The following TENM2 variants were observed in gnomAD, a reference collection of about 807,000 sequenced individuals.
TENM2 encodes teneurin transmembrane protein 2, also known as teneurin-2.
Under a neutral mutation model 245.2 loss-of-function variants are expected in TENM2, and 52 were observed. The ratio of observed to expected loss-of-function variants is 0.21; its 90% CI spans 0.17 to 0.27. TENM2 has a LOEUF of 0.27. Among genes scored for constraint, TENM2 ranks in the 10% least tolerant of loss-of-function variants. The pLI, the probability that TENM2 is intolerant of heterozygous loss-of-function variation, is 1.00. For synonymous variants in TENM2, 1,363 were observed against 1,438.9 expected (o/e 0.95, Z 1.19); for missense variants, 3,046 against 3,666.8 (o/e 0.83, Z 4.37).
chr5:167,770,540 C>T (rs1582964001), intron 2 of TENM2, among the ~76,000 whole-genome samples: 1 of 152,194 alleles, frequency 6.6e-6, no homozygotes, highest in Non-Finnish European at 1.5e-5. Flanking sequence ...GGTAAACTAA[C>T]TTCATTCCTT....
chr5:168,150,425 A>G (rs371220392), intron 12 of TENM2, among the ~76,000 whole-genome samples: 7 of 152,320 alleles, frequency 4.6e-5, no homozygotes, highest in East Asian at 1.9e-4. Flanking sequence ...CTTGACAGGG[A>G]GACCACCCCA....
At chr5:167,459,946 ACAC>A (rs1264934831) in intron 2 of TENM2, among the ~76,000 whole-genome samples, 6 of 152,014 alleles carry the variant, frequency 3.9e-5, no homozygotes, top group Non-Finnish European at 5.9e-5. Flanking sequence ...GCACACACAC[ACAC>A]AACACACACT....
chr5:167,698,370 G>T (rs1757908515), intron 2 of TENM2, among the ~76,000 whole-genome samples: 1 of 152,130 alleles, frequency 6.6e-6, no homozygotes, highest in Non-Finnish European at 1.5e-5. Flanking sequence ...TGAGTGACTT[G>T]ACATTCCCTG....
the TENM2 span, among the ~76,000 whole-genome samples, chr5:167,034,493 G>A: frequency 5.3e-5 from 8 of 151,966 alleles, no homozygotes; most frequent in East Asian, 1.9e-4. Flanking sequence ...AGCCGGGCGT[G>A]GTGGCGGGCG....
chr5:167,193,844 A>G, the TENM2 span, among the ~76,000 whole-genome samples: 7 of 152,186 alleles, frequency 4.6e-5, no homozygotes, highest in African/African-American at 1.2e-4. Flanking sequence ...TAATAGGTCA[A>G]TTTGAGCTTA....
At chr5:167,774,200 G>A (rs1021991828) in intron 2 of TENM2, among the ~76,000 whole-genome samples, 4 of 121,942 alleles carry the variant, frequency 3.3e-5, no homozygotes, top group Non-Finnish European at 7.0e-5. Flanking sequence ...GAGGGAAGGA[G>A]GAAGGGAGGG....
intron 2 of TENM2, among the ~76,000 whole-genome samples, chr5:167,662,979 T>C (rs1421657761): frequency 6.6e-6 from 1 of 152,226 alleles, no homozygotes; most frequent in Non-Finnish European, 1.5e-5. Flanking sequence ...TTGTCTCTGA[T>C]TCTCTCATAT....
chr5:167,070,284 A>ATTTTT, the TENM2 span, among the ~76,000 whole-genome samples: 1,050 of 99,296 alleles, frequency 0.011, 54 homozygotes, highest in African/African-American at 0.034. Flanking sequence ...CGCCCGGCTA[A>ATTTTT]TTTTTTTTTT....
chr5:168,245,615 C>A (rs1194933392), intron 26 of TENM2, among the ~76,000 whole-genome samples: 1 of 150,476 alleles, frequency 6.6e-6, no homozygotes, highest in Non-Finnish European at 1.5e-5. Context: ...CGTATCAAGA[C>A]TTTTGAAGGC....
At chr5:167,397,901 A>C (rs1269044337) in intron 2 of TENM2, among the ~76,000 whole-genome samples, 2 of 152,238 alleles carry the variant, frequency 1.3e-5, no homozygotes, top group Non-Finnish European at 1.5e-5. Flanking sequence ...TTATATTACT[A>C]TCTCTCCTAG....
At chr5:168,112,821 A>G (rs1794786858) in intron 9 of TENM2, among the ~76,000 whole-genome samples, 1 of 152,102 alleles carries the variant, frequency 6.6e-6, no homozygotes, top group African/African-American at 2.4e-5. Flanking sequence ...TTACATCCTC[A>G]ATTGCTTCAG....
At chr5:167,217,088 C>T in the TENM2 span, among the ~76,000 whole-genome samples, 2 of 151,956 alleles carry the variant, frequency 1.3e-5, no homozygotes, top group African/African-American at 4.8e-5. Context: ...TAGATTTGTC[C>T]TATTTTAGGT....
rs934838511 is a variant in TENM2 at position 167,716,946 on chromosome 5, A to G, written c.503-159040A>G. ...ATTTTATTTTATTTTATTTTATTCT[A>G]TTCTATTCTATTTTATTTTATTTTA... On this transcript the variant is annotated intron_variant, in intron 2 of 28. Transcript: ENST00000518659. Among the ~76,000 whole-genome samples the G allele has an allele frequency of 1.6e-3, 193 of 120,188 alleles. 5 individuals are homozygous for G. In the Admixed American group the frequency reaches 0.018, roughly 11 times the overall value. The allele number at this position is 120,188 out of a possible 152,430, so 78.8% of individuals were successfully genotyped here.
chr5:167,084,365 A>ATATATATATATG, the TENM2 span, among the ~76,000 whole-genome samples: 10 of 122,478 alleles, frequency 8.2e-5, no homozygotes, highest in African/African-American at 3.0e-4. Context: ...ATATATATAT[A>ATATATATATATG]TACAGATCAG....
exon 22 of TENM2, chr5:168,216,903 C>T: frequency 6.2e-7 from 1 of 1,613,948 alleles, no homozygotes; most frequent in African/African-American, 1.3e-5. Context: ...AGCTGTGATT[C>T]CAGCATGGAT....
chr5:167,569,078 C>CTTTTTTTTTTTT (rs34311803), intron 2 of TENM2, among the ~76,000 whole-genome samples: 3 of 48,966 alleles, frequency 6.1e-5, no homozygotes, highest in African/African-American at 2.8e-4. Flanking sequence ...CTTCCTACAG[C>CTTTTTTTTTTTT]TTTTTTTTTT....
chr5:167,733,326 C>T (rs1760570192), intron 2 of TENM2, among the ~76,000 whole-genome samples: 1 of 152,118 alleles, frequency 6.6e-6, no homozygotes, highest in Non-Finnish European at 1.5e-5. Context: ...GCACTGAGGG[C>T]CTGAGTGTGG....
At chr5:167,399,807 C>A (rs1762264356) in intron 2 of TENM2, among the ~76,000 whole-genome samples, 1 of 152,018 alleles carries the variant, frequency 6.6e-6, no homozygotes, top group Non-Finnish European at 1.5e-5. Context: ...ACATAGTATG[C>A]CATGATTAAA....
chr5:167,040,972 TGG>T, the TENM2 span, among the ~76,000 whole-genome samples: 1 of 152,160 alleles, frequency 6.6e-6, no homozygotes, highest in Non-Finnish European at 1.5e-5. Context: ...ATCAATATGG[TGG>T]TCAGTTTTGA....
Sources: allele counts gnomAD v4.1 joint callset (sites outside exome capture counted in the v4.1 genomes callset), GRCh38; gene constraint gnomAD v4.1.1; transcripts MANE v1.5; gene names NCBI Gene and HGNC (gene_info 2026-07-23, HGNC 2026-07-21).